Variants in CDH4 observed in about 807,000 individuals in gnomAD.
CDH4 encodes the protein cadherin 4, also known as cadherin-4.
Under a neutral mutation model 86.0 loss-of-function variants are expected in CDH4, and 33 were observed. The ratio of observed to expected loss-of-function variants is 0.38; its 90% confidence interval spans 0.29 to 0.51. CDH4 has a LOEUF of 0.51. CDH4 is among the 20% of genes least tolerant of loss of function. CDH4 has a pLI of 0.86. For missense variants in CDH4, 1,114 were observed against 1,307.4 expected (o/e 0.85, Z 2.28); for synonymous variants, 555 against 549.4 (o/e 1.01, Z -0.14).
chr20:61,932,819 G>A (rs753939491), intron 13 of CDH4, among the ~76,000 whole-genome samples, 166 bp from the exon 14 acceptor site: 1 of 152,234 alleles, frequency 6.6e-6, no homozygotes, highest in African/African-American at 2.4e-5. Context: ...AGGCCTGCAT[G>A]TGCAGAGACA....
At chr20:61,699,469 GGGTAA>G (rs1173722334) in intron 2 of CDH4, among the ~76,000 whole-genome samples, 1 of 152,194 alleles carries the variant, frequency 6.6e-6, no homozygotes, top group Non-Finnish European at 1.5e-5. Context: ...TGTTCACCGT[GGGTAA>G]GCAACCCCAA....
chr20:61,489,846 G>A (rs1568862813), intron 2 of CDH4, among the ~76,000 whole-genome samples: 1 of 152,196 alleles, frequency 6.6e-6, no homozygotes, highest in East Asian at 1.9e-4. Flanking sequence ...TGGCCTACCA[G>A]GGGCCTCCAA....
chr20:61,782,966 T>G (rs1375066831), intron 4 of CDH4, among the ~76,000 whole-genome samples: 2 of 152,132 alleles, frequency 1.3e-5, no homozygotes, highest in Non-Finnish European at 2.9e-5. Context: ...ATGCCTATAA[T>G]CCCAGCTACT....
chr20:61,849,233 C>T (rs568264164), intron 5 of CDH4, among the ~76,000 whole-genome samples: 119 of 152,104 alleles, frequency 7.8e-4, no homozygotes, highest in Non-Finnish European at 1.4e-3. Flanking sequence ...GAGAAGGAAG[C>T]CCCTCCCTGC....
At chr20:61,565,130 GCTGGTCCTCTTGGTGTTGGTA>G (rs2086261027) in intron 2 of CDH4, among the ~76,000 whole-genome samples, 3 of 143,156 alleles carry the variant, frequency 2.1e-5, no homozygotes, top group Non-Finnish European at 3.1e-5. Flanking sequence ...TCTTGGTGGT[GCTGGTCCTCTTGGTGTTGGTA>G]GTGGTCCTCT....
intron 2 of CDH4, among the ~76,000 whole-genome samples, chr20:61,276,679 T>C (rs905379622): frequency 6.6e-6 from 1 of 152,136 alleles, no homozygotes; most frequent in Non-Finnish European, 1.5e-5. Flanking sequence ...GGGATGGACA[T>C]CCATGGAGGC....
chr20:61,768,592 G>A (rs1225706576), intron 3 of CDH4, among the ~76,000 whole-genome samples: 1 of 152,220 alleles, frequency 6.6e-6, no homozygotes, highest in Non-Finnish European at 1.5e-5. Context: ...ATTATTTTCA[G>A]TGAGTATAAT....
At chr20:61,363,829 G>T (rs1329135041) in intron 2 of CDH4, among the ~76,000 whole-genome samples, 3 of 152,208 alleles carry the variant, frequency 2.0e-5, no homozygotes, top group East Asian at 1.9e-4. Flanking sequence ...GTTACAGATG[G>T]TGCCTGACTT....
At chr20:61,497,725 G>A (rs987123123) in intron 2 of CDH4, among the ~76,000 whole-genome samples, 2 of 152,132 alleles carry the variant, frequency 1.3e-5, no homozygotes, top group African/African-American at 2.4e-5. Flanking sequence ...CCAAAGGACT[G>A]TAAATCATGC....
intron 8 of CDH4, 121 bp downstream of exon 8, chr20:61,895,168 T>A: frequency 8.3e-7 from 1 of 1,210,310 alleles, no homozygotes; most frequent in Non-Finnish European, 1.2e-6. Context: ...AGATAGCGTG[T>A]AAGAAAGGCC....
At chr20:61,437,513 G>A (rs1203964659) in intron 2 of CDH4, 2 of 152,172 alleles carry the variant, frequency 1.3e-5, no homozygotes, top group Admixed American at 6.5e-5. Flanking sequence ...AGGTATCTGG[G>A]CTCCAGTCAC....
intron 2 of CDH4, among the ~76,000 whole-genome samples, chr20:61,604,765 G>A (rs781596462): frequency 2.6e-5 from 4 of 152,164 alleles, no homozygotes; most frequent in African/African-American, 9.7e-5. Context: ...TAAATGGGCC[G>A]TTCTTCCATC....
rs190242178 is a variant in CDH4 at position 61,704,977 on chromosome 20, G to A, written c.170-38586G>A. On this transcript the variant is annotated intron_variant, in intron 2 of 15. Transcript: ENST00000614565. ...GAATTCTCTAATAGTCCAACCAAAG[G>A]ACCCGGGTGTGAGCTAATGGCCAGC... is the stretch of plus-strand genomic sequence containing the variant. 3.1e-3 allele frequency among the ~76,000 whole-genome samples: 479 copies of A among 152,254 alleles called. 4 individuals are homozygous for A. The highest frequency in any genetic ancestry group is 0.011 in the African/African-American group (457 of 41,540).
intron 2 of CDH4, among the ~76,000 whole-genome samples, chr20:61,608,943 C>T (rs1028852687): frequency 2.6e-5 from 4 of 152,218 alleles, no homozygotes; most frequent in African/African-American, 9.7e-5. Flanking sequence ...TGCATCAAGA[C>T]TGCCCTGTCG....
chr20:61,716,858 A>G (rs1025299753), intron 2 of CDH4, among the ~76,000 whole-genome samples: 5 of 152,194 alleles, frequency 3.3e-5, no homozygotes, highest in Non-Finnish European at 2.9e-5. Flanking sequence ...CAGGGAGCTG[A>G]GATCCCACCA....
rs1350313160 is a variant in CDH4 at position 61,807,429 on chromosome 20, C to T, written c.576+34247C>T. On this transcript the variant is annotated intron_variant, in intron 4 of 15. Transcript: ENST00000614565. The surrounding 1 kb of genome is among the most constrained non-coding windows in gnomAD (Gnocchi z 4.5). ...ACAGGGTGTCTGGGTACCTAAATGT[C>T]GGAATTTGAGGCTATTCAAGTTCAA... is the stretch of plus-strand genomic sequence containing the variant. Among the ~76,000 whole-genome samples, 2 of 152,178 alleles carry T rather than the reference C, an allele frequency of 1.3e-5. No homozygotes were observed. Among genetic ancestry groups the T allele is most frequent in the Admixed American group, 6.5e-5 (1 of 15,280 alleles).
At chr20:61,561,153 T>A in intron 2 of CDH4, among the ~76,000 whole-genome samples, 1 of 151,294 alleles carries the variant, frequency 6.6e-6, no homozygotes, top group Non-Finnish European at 1.5e-5. Context: ...GTGCACAGAC[T>A]CAGGAATTCA....
intron 2 of CDH4, among the ~76,000 whole-genome samples, chr20:61,304,870 GTGTT>G (rs2084407885): frequency 6.6e-6 from 1 of 151,898 alleles, no homozygotes; most frequent in Non-Finnish European, 1.5e-5. Context: ...GTGTGTGTGT[GTGTT>G]CGGTGCGTGT....
At position 61,252,427 on chromosome 20, in the gene CDH4, GCGGCGGCGGTGGTCT is replaced by G; in HGVS notation, c.-77_-63del. On this transcript the variant is annotated 5_prime_UTR_variant, in exon 1 of 16. Transcript: ENST00000614565. This position sits in a 1 kb window ranked among gnomAD's most constrained non-coding sequence, Gnocchi z 4.4. ...AGCGGCGGCGGCGGCGGCGATCGGA[GCGGCGGCGGTGGTCT>G]CGGCGGCGGCGGCGGCGGCGGCGGC... The G allele has an allele frequency of 3.5e-6, 2 of 568,904 alleles. No homozygotes were observed. The highest frequency in any genetic ancestry group is 4.4e-6 in the Non-Finnish European group (2 of 455,382). The allele number at this position is 568,904 out of a possible 1,614,324, so 35.2% of individuals were successfully genotyped here.
Sources: allele counts gnomAD v4.1 joint callset (sites outside exome capture counted in the v4.1 genomes callset), GRCh38; gene constraint gnomAD v4.1.1; non-coding constraint Gnocchi (gnomAD v3.1); transcripts MANE v1.5; gene names NCBI Gene and HGNC (gene_info 2026-07-23, HGNC 2026-07-21).